The following ZCWPW1 variants were observed in gnomAD, a reference collection of about 807,000 sequenced individuals.
ZCWPW1 encodes zinc finger CW-type and PWWP domain containing 1, also known as zinc finger CW-type PWWP domain protein 1.
Under a neutral mutation model 81.3 loss-of-function variants are expected in ZCWPW1, and 56 were observed. The observed-to-expected ratio is 0.69, with a 90% confidence interval of 0.56 to 0.86. The LOEUF is 0.86. Among genes scored for constraint, ZCWPW1 ranks in the 40% least tolerant of loss-of-function variants. The pLI, the probability that ZCWPW1 is intolerant of heterozygous loss-of-function variation, is 0.00. For synonymous variants in ZCWPW1, 250 were observed against 273.7 expected, an observed-to-expected ratio of 0.91 and a Z score of 0.86; for missense variants, 650 against 769.8, an observed-to-expected ratio of 0.84 and a Z score of 1.84.
intron 10 of ZCWPW1, 40 bp downstream of exon 10, chr7:100,408,497 CAA>C (rs1386874444): frequency 5.6e-6 from 9 of 1,600,366 alleles, no homozygotes; most frequent in Non-Finnish European, 6.8e-6. Flanking sequence ...CTACCTCTCC[CAA>C]GTTTGTGAAG....
chr7:100,405,094 C>T lies in ZCWPW1; in HGVS notation c.1174-1G>A, dbSNP rs759602275. The T allele has an allele frequency of 1.7e-5, 28 of 1,611,734 alleles. No individual in the cohort carries two copies. The highest frequency in any genetic ancestry group is 2.3e-5 in the Non-Finnish European group (27 of 1,179,112). Reference sequence around the variant, plus strand: ...GGCTGCAGTCATTTCTGCGCTTTTTCTGAAATAGAAGATTAGAGCCAATGA... The same window carrying T: ...GGCTGCAGTCATTTCTGCGCTTTTTTTGAAATAGAAGATTAGAGCCAATGA... On this transcript the variant is annotated splice_acceptor_variant, in intron 12 of 17. Transcript: ENST00000684423. LOFTEE classifies it high-confidence loss of function.
At chr7:100,407,474 C>A (rs571481850) in intron 10 of ZCWPW1, among the ~76,000 whole-genome samples, 171 bp from the exon 11 acceptor site, 1 of 152,280 alleles carries the variant, frequency 6.6e-6, no homozygotes, top group African/African-American at 2.4e-5. Context: ...CTCACTGCAG[C>A]TTTGATCTGT....
chr7:100,421,299 G>A (rs1796294709), intron 2 of ZCWPW1, among the ~76,000 whole-genome samples: 1 of 152,186 alleles, frequency 6.6e-6, no homozygotes, highest in South Asian at 2.1e-4. Flanking sequence ...AGCAGTGATG[G>A]TAGGGTATGA....
At chr7:100,413,918 A>C (rs1251249760) in intron 8 of ZCWPW1, among the ~76,000 whole-genome samples, 1 of 152,198 alleles carries the variant, frequency 6.6e-6, no homozygotes, top group Non-Finnish European at 1.5e-5. Flanking sequence ...AGACAGAGCA[A>C]CACAAATCTA....
At chr7:100,407,766 T>C (rs1005263223) in intron 10 of ZCWPW1, among the ~76,000 whole-genome samples, 5 of 152,102 alleles carry the variant, frequency 3.3e-5, no homozygotes, top group Non-Finnish European at 5.9e-5. Flanking sequence ...TGGTCACTAC[T>C]GAATGACTCG....
In ZCWPW1 at chr7:100,419,539, C is replaced by T. The variant is rs528469371; in HGVS notation, c.282+91G>A. The T allele has an allele frequency of 1.1e-3, 1,722 of 1,509,296 alleles. 1 individual carries two copies. The highest frequency in any genetic ancestry group is 1.3e-3 in the Non-Finnish European group (1,476 of 1,133,258). The allele number at this position is 1,509,296 out of a possible 1,614,324, so 93.5% of individuals were successfully genotyped here. ...AAACCTGAAACTCTAGGGTGAATTT[C>T]CCCAGTGTGAAAAGACTCTGTTTGT... On this transcript the variant is annotated intron_variant, in intron 4 of 17. Coordinates refer to ENST00000684423, the MANE Select transcript of ZCWPW1 (RefSeq NM_001386010.1).
rs1791861768 is a variant in ZCWPW1, at chr7:100,401,458, C to T, written c.1628-122G>A. 3 of 942,912 alleles carry T rather than the reference C, an allele frequency of 3.2e-6. No individual in the cohort carries two copies. The African/African-American group carries it at 5.0e-5, about 16-fold the overall frequency. 58.4% of individuals were successfully genotyped at this position (942,912 alleles called of 1,614,324 possible). ...CTGGAAAAGATGACCTTTCTCAATA[C>T]AAAGAATATGGACTTTGGGATCAGA... is the stretch of plus-strand genomic sequence containing the variant. On this transcript the variant is annotated intron_variant, in intron 17 of 17. Transcript: ENST00000684423.
At chr7:100,414,663 G>T (rs147005367) in intron 8 of ZCWPW1, among the ~76,000 whole-genome samples, 1 of 152,018 alleles carries the variant, frequency 6.6e-6, no homozygotes, top group Non-Finnish European at 1.5e-5. Context: ...TGATCCTCCT[G>T]CCTTGGTATT....
chr7:100,415,935 T>C (rs769391553), intron 8 of ZCWPW1, 40 bp downstream of exon 8: 1 of 1,612,912 alleles, frequency 6.2e-7, no homozygotes. Context: ...CTATTTCAAA[T>C]TTTCAGGCCA....
At chr7:100,409,748 G>A (rs541097082) in intron 8 of ZCWPW1, among the ~76,000 whole-genome samples, 7 of 152,304 alleles carry the variant, frequency 4.6e-5, no homozygotes, top group African/African-American at 1.2e-4. Context: ...CTAACTTGGC[G>A]ATAGAGCTGA....
Position 100,415,425 on chromosome 7 carries a change from T to C in ZCWPW1, c.754+550A>G, listed in dbSNP as rs571817220. ...CATTTTCTCCCTCTTACTTTCCCTA[T>C]CTAAACTAATTGAAAAAGTGTCTAC... On this transcript the variant is annotated intron_variant, in intron 8 of 17. Coordinates refer to ENST00000684423, the MANE Select transcript of ZCWPW1 (RefSeq NM_001386010.1). Among the ~76,000 whole-genome samples, 3 of 152,178 alleles carry C rather than the reference T, an allele frequency of 2.0e-5. No individual in the cohort carries two copies. In the South Asian group the frequency reaches 6.2e-4, roughly 32 times the overall value.
At chr7:100,420,706 T>C in intron 2 of ZCWPW1, 28 bp from the exon 3 acceptor site, 2 of 1,599,418 alleles carry the variant, frequency 1.3e-6, no homozygotes, top group Admixed American at 1.7e-5. Context: ...TTAACTGCTA[T>C]GACTCTGATT....
intron 12 of ZCWPW1, among the ~76,000 whole-genome samples, chr7:100,405,498 C>T (rs747471825): frequency 6.6e-6 from 1 of 152,130 alleles, no homozygotes; most frequent in African/African-American, 2.4e-5. Context: ...CATACTGCTA[C>T]CCATCTGACA....
chr7:100,410,276 T>A (rs138270346), intron 8 of ZCWPW1, among the ~76,000 whole-genome samples: 21 of 152,148 alleles, frequency 1.4e-4, no homozygotes, highest in African/African-American at 4.8e-4. Flanking sequence ...AGTCCACATA[T>A]CCTCAACCTC....
At chr7:100,419,242 C>A in intron 4 of ZCWPW1, 53 bp from the exon 5 acceptor site, 1 of 1,519,004 alleles carries the variant, frequency 6.6e-7, no homozygotes, top group Non-Finnish European at 9.0e-7. Context: ...ATAGTTTTCC[C>A]CTCTGAACAG....
chr7:100,419,171 T>C lies in ZCWPW1; in HGVS notation c.301A>G (p.Asn101Asp). 6.2e-7 allele frequency: 1 copy of C among 1,612,980 alleles called. No homozygotes were observed. The highest frequency in any genetic ancestry group is 8.5e-7 in the Non-Finnish European group (1 of 1,179,568). Residue 101 changes from asparagine (N) to aspartate (D), a missense_variant, in exon 5 of 18, where the codon AAT becomes GAT. Coordinates refer to ENST00000684423, the MANE Select transcript of ZCWPW1 (RefSeq NM_001386010.1). ...TGGACAATCTCCTCAAATTCTGCAT[T>C]GGTAAGACTTGATTTTTCCTGCAGA... Reference protein sequence around the residue: ...KKEKEKSSLTNAEFEEIVQIV... With the variant: ...KKEKEKSSLTDAEFEEIVQIV...
chr7:100,402,781 T>A (rs1584239448), intron 15 of ZCWPW1, among the ~76,000 whole-genome samples: 1 of 152,172 alleles, frequency 6.6e-6, no homozygotes, highest in African/African-American at 2.4e-5. Context: ...TGCAAGGCTT[T>A]AGGCATAAAA....
chr7:100,427,726 C>T (rs1797944144), intron 1 of ZCWPW1, among the ~76,000 whole-genome samples: 1 of 150,634 alleles, frequency 6.6e-6, no homozygotes, highest in Non-Finnish European at 1.5e-5. Context: ...GCCCCAATTC[C>T]AAATCCACCT....
intron 2 of ZCWPW1, among the ~76,000 whole-genome samples, chr7:100,424,513 G>A (rs1163135703): frequency 2.0e-5 from 3 of 152,202 alleles, no homozygotes; most frequent in African/African-American, 2.4e-5. Context: ...CCAGGCTGGA[G>A]TGCAGTGGTG....
Sources: gnomAD v4.1 joint callset for allele counts (sites outside exome capture counted in the v4.1 genomes callset) on GRCh38, gnomAD v4.1.1 for gene constraint, MANE v1.5 for transcripts, NCBI Gene and HGNC (gene_info 2026-07-23, HGNC 2026-07-21) for gene names.